Variants in LRP1B observed in about 807,000 individuals in gnomAD.
LRP1B encodes the protein LDL receptor related protein 1B.
A neutral mutation model predicts 556.6 loss-of-function variants in LRP1B; 217 were observed. The observed-to-expected ratio is 0.39, with a 90% CI of 0.35 to 0.44. LRP1B has a LOEUF of 0.44. Among genes scored for constraint, LRP1B ranks in the 20% least tolerant of loss-of-function variants. The pLI is 1.00. For synonymous variants in LRP1B, 2,047 were observed against 1,865.8 expected, an observed-to-expected ratio of 1.10 and a Z score of -2.50; for missense variants, 5,053 against 5,620.8, an observed-to-expected ratio of 0.90 and a Z score of 3.23.
chr2:140,933,250 G>A (rs953573784), intron 20 of LRP1B, among the ~76,000 whole-genome samples: 2 of 151,998 alleles, frequency 1.3e-5, no homozygotes, highest in African/African-American at 4.8e-5. Context: ...GAAAACAAAT[G>A]CTGACAGGTC....
intron 1 of LRP1B, among the ~76,000 whole-genome samples, chr2:141,881,075 A>C (rs1456797955): frequency 1.3e-5 from 2 of 152,098 alleles, no homozygotes; most frequent in Non-Finnish European, 2.9e-5. Context: ...CAATATTCAC[A>C]TCTTCACAAG....
At chr2:141,640,034 C>T (rs1689273774) in intron 2 of LRP1B, among the ~76,000 whole-genome samples, 1 of 152,196 alleles carries the variant, frequency 6.6e-6, no homozygotes, top group South Asian at 2.1e-4. Context: ...TTGAACCCAA[C>T]TGAATTGTAA....
intron 1 of LRP1B, among the ~76,000 whole-genome samples, chr2:142,119,948 T>G (rs1045189986): frequency 6.6e-6 from 1 of 152,172 alleles, no homozygotes; most frequent in African/African-American, 2.4e-5. Context: ...CTGGTACATG[T>G]TAGCATGTCA....
intron 84 of LRP1B, among the ~76,000 whole-genome samples, chr2:140,283,758 G>A (rs1404398586): frequency 6.6e-6 from 1 of 151,742 alleles, no homozygotes; most frequent in Non-Finnish European, 1.5e-5. Flanking sequence ...AACTCATAGA[G>A]CTATCATAAC....
At chr2:141,995,774 TATAAA>T (rs1408839276) in intron 1 of LRP1B, among the ~76,000 whole-genome samples, 1 of 152,196 alleles carries the variant, frequency 6.6e-6, no homozygotes. Flanking sequence ...GAAACGTAAA[TATAAA>T]ATGTTAGAAT....
At chr2:141,294,186 G>A (rs1025836223) in intron 3 of LRP1B, among the ~76,000 whole-genome samples, 1 of 152,080 alleles carries the variant, frequency 6.6e-6, no homozygotes, top group South Asian at 2.1e-4. Context: ...TGTTTCTAAT[G>A]TGATTGTATT....
intron 1 of LRP1B, among the ~76,000 whole-genome samples, chr2:142,066,588 G>C (rs1232880426): frequency 1.3e-5 from 2 of 151,354 alleles, no homozygotes; most frequent in East Asian, 3.9e-4. Flanking sequence ...CAAGGACTTA[G>C]GTATTCTCTA....
chr2:140,811,254 CCTT>C (rs978608252), intron 32 of LRP1B, among the ~76,000 whole-genome samples: 2 of 152,110 alleles, frequency 1.3e-5, no homozygotes, highest in African/African-American at 4.8e-5. Context: ...CAAATTTTCT[CCTT>C]CTTCCATTTA....
chr2:141,015,254 C>G (rs1399160344), intron 13 of LRP1B, among the ~76,000 whole-genome samples: 3 of 152,094 alleles, frequency 2.0e-5, no homozygotes, highest in African/African-American at 7.2e-5. Flanking sequence ...GGAAGTTCAG[C>G]TCATTCCTAC....
chr2:141,107,855 A>G (rs747078145), intron 7 of LRP1B, among the ~76,000 whole-genome samples: 1 of 152,176 alleles, frequency 6.6e-6, no homozygotes, highest in Non-Finnish European at 1.5e-5. Context: ...TCATTAGAAT[A>G]GCAAAACACT....
intron 2 of LRP1B, among the ~76,000 whole-genome samples, chr2:141,689,985 G>T (rs1174945720): frequency 6.6e-6 from 1 of 151,596 alleles, no homozygotes; most frequent in Admixed American, 6.6e-5. Flanking sequence ...ATACTTGGAA[G>T]ACTTTAATTT....
At chr2:141,202,127 C>G (rs923385161) in intron 6 of LRP1B, among the ~76,000 whole-genome samples, 3 of 152,186 alleles carry the variant, frequency 2.0e-5, no homozygotes, top group Non-Finnish European at 4.4e-5. Context: ...CCATCCCTGA[C>G]AGGCCTCAGT....
At chr2:140,343,243 T>G (rs1463689994) in intron 77 of LRP1B, among the ~76,000 whole-genome samples, 2 of 151,666 alleles carry the variant, frequency 1.3e-5, no homozygotes, top group African/African-American at 4.8e-5. Flanking sequence ...TTATTAGTAT[T>G]TTGATGCCGG....
chr2:142,036,108 T>A (rs995878941), intron 1 of LRP1B, among the ~76,000 whole-genome samples: 1 of 151,648 alleles, frequency 6.6e-6, no homozygotes, highest in African/African-American at 2.4e-5. Context: ...ATCAGCAGCA[T>A]AAAAACAGAC....
intron 7 of LRP1B, among the ~76,000 whole-genome samples, chr2:141,144,886 A>T (rs1368182094): frequency 6.6e-6 from 1 of 152,224 alleles, no homozygotes; most frequent in Non-Finnish European, 1.5e-5. Context: ...ATAAATGAAC[A>T]TGCACTCGAT....
chr2:140,702,606 C>CA, intron 37 of LRP1B, 53 bp from the exon 38 acceptor site: 1 of 1,540,482 alleles, frequency 6.5e-7, no homozygotes, highest in Non-Finnish European at 8.9e-7. Context: ...TTGTAGTATG[C>CA]AGAGCTATGC....
chr2:141,202,135 A>G (rs1682051697), intron 6 of LRP1B, among the ~76,000 whole-genome samples: 1 of 152,118 alleles, frequency 6.6e-6, no homozygotes, highest in Admixed American at 6.6e-5. Flanking sequence ...GACAGGCCTC[A>G]GTGTGTTGTT....
At chr2:140,517,796 C>T (rs1446837121) in intron 49 of LRP1B, among the ~76,000 whole-genome samples, 8 of 148,320 alleles carry the variant, frequency 5.4e-5, no homozygotes, top group Middle Eastern at 3.7e-3. Flanking sequence ...CTACAAACTC[C>T]GCCTCCCGGG....
intron 2 of LRP1B, among the ~76,000 whole-genome samples, chr2:141,725,835 T>C (rs767411039): frequency 2.8e-5 from 4 of 140,394 alleles, no homozygotes; most frequent in Non-Finnish European, 3.1e-5. Context: ...ATATTTGGCA[T>C]TGATAATTTT....
Sources: allele counts gnomAD v4.1 joint callset (sites outside exome capture counted in the v4.1 genomes callset), GRCh38; gene constraint gnomAD v4.1.1; transcripts MANE v1.5; gene names NCBI Gene and HGNC (gene_info 2026-07-23, HGNC 2026-07-21).